Variants in DNAJB13 observed in about 807,000 individuals in gnomAD.
DNAJB13 encodes dnaJ homolog subfamily B member 13.
Under a neutral mutation model 35.6 loss-of-function variants are expected in DNAJB13, and 22 were observed. That is an observed-to-expected ratio of 0.62 (90% CI 0.44 to 0.88). DNAJB13 has a LOEUF of 0.88. Ranked by LOEUF, DNAJB13 falls within the 40% of genes least tolerant of loss-of-function variation. The pLI, the probability that DNAJB13 is intolerant of heterozygous loss-of-function variation, is 0.00. For missense variants in DNAJB13, 370 were observed against 384.3 expected, an observed-to-expected ratio of 0.96 and a Z score of 0.31; for synonymous variants, 136 against 144.2, an observed-to-expected ratio of 0.94 and a Z score of 0.41.
intron 5 of DNAJB13, among the ~76,000 whole-genome samples, chr11:73,966,836 G>A (rs1951129613): frequency 1.4e-5 from 2 of 143,846 alleles, no homozygotes; most frequent in South Asian, 2.2e-4. Flanking sequence ...GTGCCACCAC[G>A]CCCAGCTAAT....
intron 3 of DNAJB13, among the ~76,000 whole-genome samples, chr11:73,961,300 TAAAG>T (rs897920715): frequency 6.6e-6 from 1 of 151,924 alleles, no homozygotes; most frequent in Non-Finnish European, 1.5e-5. Flanking sequence ...AATACATAAA[TAAAG>T]AAATAATCAT....
At position 73,970,053 on chromosome 11, in the gene DNAJB13, A is replaced by C. The variant is rs747736538; in HGVS notation, c.890A>C (p.Gln297Pro). ...GATCTCTTCATCTTCTTCGACATCC[A>C]GTTCCCCACCCGCCTCACACCCCAG... ...KGDLFIFFDI[Q>P]FPTRLTPQKK... is the part of the protein sequence containing the mutation. Residue 297 changes from glutamine (Q) to proline (P), a missense_variant, in exon 8 of 8, where the codon CAG becomes CCG. Gln to Pro is a moderately conservative substitution (Grantham distance 76). Coordinates refer to ENST00000339764, the MANE Select transcript of DNAJB13 (RefSeq NM_153614.4). The C allele has an allele frequency of 2.5e-6, 4 of 1,611,074 alleles. No homozygotes were observed. The highest frequency in any genetic ancestry group is 3.4e-6 in the Non-Finnish European group (4 of 1,178,528).
chr11:73,952,009 C>T (rs1373781078), intron 1 of DNAJB13, among the ~76,000 whole-genome samples: 8 of 152,098 alleles, frequency 5.3e-5, no homozygotes, highest in African/African-American at 1.9e-4. Context: ...TGAGAGGGTA[C>T]TTCACTCCTG....
chr11:73,970,119 G>C lies in DNAJB13; in HGVS notation c.*5G>C. On this transcript the variant is annotated 3_prime_UTR_variant, in exon 8 of 8. Coordinates refer to ENST00000339764, the MANE Select transcript of DNAJB13 (RefSeq NM_153614.4). The stretch of plus-strand genomic sequence containing the variant: ...CGCCAGGCATTGCTGACATGACTGT[G>C]GTGGGCTGGAGCAGGGGTGAGAGGA... The C allele has an allele frequency of 6.3e-7, 1 of 1,596,916 alleles. No homozygotes were observed. The highest frequency in any genetic ancestry group is 2.2e-5 in the East Asian group (1 of 44,622).
intron 5 of DNAJB13, among the ~76,000 whole-genome samples, chr11:73,967,246 C>T (rs1019125918): frequency 6.6e-5 from 10 of 152,148 alleles, no homozygotes; most frequent in South Asian, 2.1e-4. Flanking sequence ...ACGCCTGCCT[C>T]GGCCTCCCAA....
At chr11:73,956,146 A>G (rs1358495022) in intron 1 of DNAJB13, among the ~76,000 whole-genome samples, 4 of 152,212 alleles carry the variant, frequency 2.6e-5, no homozygotes, top group African/African-American at 7.2e-5. Context: ...CCAGTCTATT[A>G]GACAGAGGAG....
Position 73,969,928 on chromosome 11 carries a change from C to T in DNAJB13, c.798-33C>T, listed in dbSNP as rs747116581. 1.9e-6 allele frequency: 3 copies of T among 1,582,852 alleles called. No homozygotes were observed. The Admixed American group carries it at 5.3e-5, about 28-fold the overall frequency. ...CCTGCTGAGGTGCTGCTCTGGGATG[C>T]CCTCTATGCTCCTTTCTTTCATCCT... On this transcript the variant is annotated intron_variant, in intron 7 of 7. Transcript: ENST00000339764.
chr11:73,951,590 C>T (rs1255775325), intron 1 of DNAJB13, among the ~76,000 whole-genome samples: 1 of 152,208 alleles, frequency 6.6e-6, no homozygotes, highest in Non-Finnish European at 1.5e-5. Context: ...TAAGGACGTT[C>T]TGGCTCGTTC....
At position 73,958,400 on chromosome 11, in the gene DNAJB13, C is replaced by A; in HGVS notation, c.152C>A (p.Ala51Asp). Residue 51 changes from alanine to aspartate, a missense_variant, in exon 2 of 8, where the codon GCC becomes GAC. By Grantham distance (126) the Ala-to-Asp change is moderately radical. Transcript: ENST00000339764. ...GAGATTTTCAGGCAAATAGCAGAGG[C>A]CTACGACGTGCTGAGTGACCGTGAG... ...SAEIFRQIAE[A>D]YDVLSDPMKR... is the part of the protein sequence containing the mutation. The A allele has an allele frequency of 6.2e-7, 1 of 1,614,154 alleles. No individual in the cohort carries two copies. Among genetic ancestry groups the A allele is most frequent in the Non-Finnish European group, 8.5e-7 (1 of 1,180,006 alleles).
rs563763079 is a variant in DNAJB13 at position 73,951,491 on chromosome 11, G to T, written c.68+354G>T. 4.4e-4 allele frequency among the ~76,000 whole-genome samples: 67 copies of T among 152,276 alleles called. No individual in the cohort carries two copies. In the South Asian group the frequency reaches 0.012, roughly 28 times the overall value. ...GGCTTGTGAACAAGGGAGTGGCCAG[G>T]CCAGATGGATGTTTTAAATTCAATT... On this transcript the variant is annotated intron_variant, in intron 1 of 7. Coordinates refer to ENST00000339764, the MANE Select transcript of DNAJB13 (RefSeq NM_153614.4).
At position 73,970,217 on chromosome 11, in the gene DNAJB13, T is replaced by C. The variant is rs546334496; in HGVS notation, c.*103T>C. 8.4e-6 allele frequency: 12 copies of C among 1,425,498 alleles called. No individual in the cohort carries two copies. In the African/African-American group the frequency reaches 8.6e-5, roughly 10 times the overall value. The allele number at this position is 1,425,498 out of a possible 1,614,324, so 88.3% of individuals were successfully genotyped here. A position where few individuals can be genotyped will look rare whatever the true frequency, so the allele number is the denominator to read the frequency against. On this transcript the variant is annotated 3_prime_UTR_variant, in exon 8 of 8. Transcript: ENST00000339764. ...TGCAGGGGAGCCTGCTGCACAGATA[T>C]GATACAAGGGTGGGATGGCGCAGGG...
chr11:73,951,858 C>T (rs1950594344), intron 1 of DNAJB13, among the ~76,000 whole-genome samples: 1 of 152,144 alleles, frequency 6.6e-6, no homozygotes, highest in African/African-American at 2.4e-5. Flanking sequence ...TTTGGTCAGG[C>T]TGGTCTCAAA....
intron 1 of DNAJB13, among the ~76,000 whole-genome samples, chr11:73,954,926 G>T (rs547492230): frequency 6.6e-6 from 1 of 152,152 alleles, no homozygotes; most frequent in South Asian, 2.1e-4. Context: ...ACTCCAGCCT[G>T]AGCAACAAGA....
chr11:73,967,193 C>T (rs994834593), intron 5 of DNAJB13, among the ~76,000 whole-genome samples: 1 of 152,066 alleles, frequency 6.6e-6, no homozygotes, highest in Non-Finnish European at 1.5e-5. Flanking sequence ...TAGGGTTTCT[C>T]CGTGTTGGCC....
chr11:73,966,032 T>C, intron 4 of DNAJB13, 106 bp from the exon 5 acceptor site: 1 of 1,003,216 alleles, frequency 1.0e-6, no homozygotes, highest in Non-Finnish European at 1.5e-6. Context: ...AGAGCATCTT[T>C]CACGTGTGCA....
chr11:73,968,496 C>A, intron 6 of DNAJB13, 38 bp downstream of exon 6: 2 of 1,566,550 alleles, frequency 1.3e-6, no homozygotes, highest in South Asian at 1.1e-5. Context: ...GGGAGGAGAT[C>A]AGAGTGAGCC....
chr11:73,966,292 C>A, intron 5 of DNAJB13, 41 bp downstream of exon 5: 1 of 1,569,110 alleles, frequency 6.4e-7, no homozygotes, highest in East Asian at 2.3e-5. Flanking sequence ...TCACTGAGCT[C>A]AGGCGGTGGG....
At chr11:73,956,775 C>T (rs1358856318) in intron 1 of DNAJB13, among the ~76,000 whole-genome samples, 2 of 138,598 alleles carry the variant, frequency 1.4e-5, no homozygotes, top group Non-Finnish European at 1.5e-5. Flanking sequence ...TGCACTCCAG[C>T]TTGGGCAACA....
At chr11:73,957,674 A>G (rs776717248) in intron 1 of DNAJB13, among the ~76,000 whole-genome samples, 6 of 152,162 alleles carry the variant, frequency 3.9e-5, no homozygotes, top group Non-Finnish European at 8.8e-5. Flanking sequence ...GAAGTGGGGA[A>G]AAAATGAGCA....
Sources: allele counts gnomAD v4.1 joint callset (sites outside exome capture counted in the v4.1 genomes callset), GRCh38; gene constraint gnomAD v4.1.1; transcripts MANE v1.5; gene names NCBI Gene and HGNC (gene_info 2026-07-23, HGNC 2026-07-21).